PITPNC1: variants seen among roughly 807,000 people sequenced by gnomAD.
The protein encoded by PITPNC1 is cytoplasmic phosphatidylinositol transfer protein 1.
In PITPNC1, 18 loss-of-function variants were observed where a neutral mutation model predicts 44.7. The ratio of observed to expected loss-of-function variants is 0.40; its 90% confidence interval spans 0.28 to 0.60. PITPNC1 has a LOEUF of 0.60. PITPNC1 is among the 20% of genes least tolerant of loss of function. The pLI, the probability that PITPNC1 is intolerant of heterozygous loss-of-function variation, is 0.39. For synonymous variants in PITPNC1, 141 were observed against 149.6 expected, an observed-to-expected ratio of 0.94 and a Z score of 0.42; for missense variants, 290 against 418.4, an observed-to-expected ratio of 0.69 and a Z score of 2.68.
At chr17:67,407,928 T>A (rs2038425464) in intron 1 of PITPNC1, among the ~76,000 whole-genome samples, 1 of 152,188 alleles carries the variant, frequency 6.6e-6, no homozygotes, top group Non-Finnish European at 1.5e-5. Flanking sequence ...ATCGCTGTGC[T>A]TGTGAACCAC....
At chr17:67,402,242 T>C (rs1176244584) in intron 1 of PITPNC1, among the ~76,000 whole-genome samples, 1 of 152,248 alleles carries the variant, frequency 6.6e-6, no homozygotes, top group Non-Finnish European at 1.5e-5. Flanking sequence ...CCACGAAATA[T>C]TATGTGCCTT....
chr17:67,402,532 C>G (rs938849205), intron 1 of PITPNC1, among the ~76,000 whole-genome samples: 4 of 151,124 alleles, frequency 2.6e-5, no homozygotes, highest in Admixed American at 6.6e-5. Context: ...CCTGACAAAG[C>G]TGTCTCTCTA....
At chr17:67,456,766 G>T (rs1055760002) in intron 1 of PITPNC1, among the ~76,000 whole-genome samples, 1 of 151,750 alleles carries the variant, frequency 6.6e-6, no homozygotes, top group Non-Finnish European at 1.5e-5. Context: ...GTCTTTACTC[G>T]TCTTTCTAAG....
chr17:67,569,136 C>A (rs1462421428), intron 4 of PITPNC1, among the ~76,000 whole-genome samples: 1 of 152,158 alleles, frequency 6.6e-6, no homozygotes, highest in Non-Finnish European at 1.5e-5. Context: ...CACCCAGAAA[C>A]TGACTATGAA....
Position 67,693,466 on chromosome 17 carries a change from TTAA to T in PITPNC1, c.*585_*587del, listed in dbSNP as rs1285126164. On this transcript the variant is annotated 3_prime_UTR_variant, in exon 9 of 9. Coordinates refer to ENST00000581322, the MANE Select transcript of PITPNC1 (RefSeq NM_012417.4). ...CAAGCTATAGAGGCTCCAAGTGCAA[TTAA>T]TAATAACTCATTTATACCTTCCACA... 1 of 152,640 alleles carries T rather than the reference TTAA, an allele frequency of 6.6e-6. No homozygotes were observed. Among genetic ancestry groups the T allele is most frequent in the East Asian group, 1.9e-4 (1 of 5,194 alleles). The allele number at this position is 152,640 out of a possible 1,614,324, so 9.5% of individuals were successfully genotyped here.
At chr17:67,596,821 G>C (rs1022613291) in intron 5 of PITPNC1, among the ~76,000 whole-genome samples, 1 of 152,002 alleles carries the variant, frequency 6.6e-6, no homozygotes, top group East Asian at 1.9e-4. Context: ...AATTCTTATG[G>C]TTTAAAGGCT....
chr17:67,683,162 CAAAAAAAA>C (rs901577194), intron 8 of PITPNC1, among the ~76,000 whole-genome samples: 52 of 41,512 alleles, frequency 1.3e-3, no homozygotes, highest in African/African-American at 3.2e-3. Context: ...AACTGAGTCT[CAAAAAAAA>C]AAAAAAAAAA....
At chr17:67,425,193 G>GCGCGCGCA (rs1160522771) in intron 1 of PITPNC1, among the ~76,000 whole-genome samples, 2 of 52,116 alleles carry the variant, frequency 3.8e-5, no homozygotes, top group African/African-American at 2.0e-4. Flanking sequence ...TTGTGCGCGC[G>GCGCGCGCA]CACGCACACG....
At chr17:67,612,505 G>C (rs1450792097) in intron 5 of PITPNC1, 1 of 152,280 alleles carries the variant, frequency 6.6e-6, no homozygotes, top group Non-Finnish European at 1.5e-5. Flanking sequence ...AGTTTCTAAA[G>C]TCGTACAACT....
At chr17:67,623,596 C>T (rs184207493) in intron 5 of PITPNC1, among the ~76,000 whole-genome samples, 10 of 152,194 alleles carry the variant, frequency 6.6e-5, no homozygotes, top group Non-Finnish European at 1.2e-4. Context: ...GTTGACCAGG[C>T]TGGTCTGGAA....
chr17:67,431,141 C>T (rs1470152010), intron 1 of PITPNC1, among the ~76,000 whole-genome samples: 2 of 150,552 alleles, frequency 1.3e-5, no homozygotes, highest in African/African-American at 4.9e-5. Context: ...TCACTGCAAG[C>T]TCCACCTCCC....
intron 1 of PITPNC1, among the ~76,000 whole-genome samples, chr17:67,489,988 C>T (rs969021372): frequency 2.0e-5 from 3 of 152,146 alleles, no homozygotes; most frequent in Admixed American, 6.5e-5. Flanking sequence ...CCATCCCCCT[C>T]GGTCTCCCAA....
At chr17:67,384,708 A>G (rs2038015951) in intron 1 of PITPNC1, among the ~76,000 whole-genome samples, 1 of 152,200 alleles carries the variant, frequency 6.6e-6, no homozygotes, top group Non-Finnish European at 1.5e-5. Flanking sequence ...TACAGGCATG[A>G]GCCACTGCGC....
intron 5 of PITPNC1, among the ~76,000 whole-genome samples, chr17:67,602,030 C>T (rs1215148340): frequency 1.3e-5 from 2 of 152,168 alleles, no homozygotes; most frequent in Admixed American, 6.5e-5. Flanking sequence ...GGATGAGAAG[C>T]GTCAAAGGAT....
intron 1 of PITPNC1, among the ~76,000 whole-genome samples, chr17:67,417,712 A>T (rs749280609): frequency 6.6e-6 from 1 of 152,074 alleles, no homozygotes; most frequent in Non-Finnish European, 1.5e-5. Flanking sequence ...GGCACCATTG[A>T]AAAGGTTTCC....
intron 1 of PITPNC1, among the ~76,000 whole-genome samples, chr17:67,446,019 T>C (rs571798418): frequency 6.6e-4 from 101 of 152,142 alleles, no homozygotes; most frequent in African/African-American, 2.3e-3. Flanking sequence ...CAATCTCGGC[T>C]CACTGCAACC....
At chr17:67,630,344 A>G (rs1314029914) in intron 5 of PITPNC1, among the ~76,000 whole-genome samples, 1 of 152,128 alleles carries the variant, frequency 6.6e-6, no homozygotes, top group Non-Finnish European at 1.5e-5. Flanking sequence ...TTGGCCGGGC[A>G]TGGTGGCTCA....
At position 67,647,464 on chromosome 17, in the gene PITPNC1, G is replaced by GTTT. The variant is rs60407940; in HGVS notation, c.462+15253_462+15255dup. On this transcript the variant is annotated intron_variant, in intron 6 of 8. Coordinates refer to ENST00000581322, the MANE Select transcript of PITPNC1 (RefSeq NM_012417.4). ...CACCATCACACCCAGCTAATTTTGG[G>GTTT]TTTTTTTTTTTTTTTTTTTTTTTTT... 3.7e-3 allele frequency among the ~76,000 whole-genome samples: 269 copies of GTTT among 72,338 alleles called. 25 individuals carry two copies. Among genetic ancestry groups the GTTT allele is most frequent in the Admixed American group, 5.3e-3 (24 of 4,492 alleles). 47.5% of individuals were successfully genotyped at this position (72,338 alleles called of 152,430 possible). A position where few individuals can be genotyped will look rare whatever the true frequency, so the allele number is the denominator to read the frequency against.
intron 1 of PITPNC1, among the ~76,000 whole-genome samples, chr17:67,475,667 A>G (rs1196699935): frequency 1.3e-5 from 2 of 152,192 alleles, no homozygotes; most frequent in Non-Finnish European, 2.9e-5. Flanking sequence ...TTGGCAGCAG[A>G]GAACCTTGTT....
Sources: gnomAD v4.1 joint callset for allele counts (sites outside exome capture counted in the v4.1 genomes callset) on GRCh38, gnomAD v4.1.1 for gene constraint, MANE v1.5 for transcripts, NCBI Gene and HGNC (gene_info 2026-07-23, HGNC 2026-07-21) for gene names.